The following HIVEP3 variants were observed in gnomAD, a reference collection of about 807,000 sequenced individuals.
HIVEP3 encodes transcription factor HIVEP3.
HIVEP3 carries 49 observed loss-of-function variants against 152.8 expected under a neutral mutation model. The observed-to-expected ratio is 0.32, with a 90% confidence interval of 0.26 to 0.41. The LOEUF is 0.41. Among genes scored for constraint, HIVEP3 ranks in the 10% least tolerant of loss-of-function variants. The probability of loss-of-function intolerance (pLI) is 1.00; values close to 1 mark genes in which losing one functional copy is unlikely to be tolerated. For missense variants in HIVEP3, 2,790 were observed against 3,103.3 expected (o/e 0.90, Z 2.40); for synonymous variants, 1,269 against 1,289.0 (o/e 0.98, Z 0.33).
intron 1 of HIVEP3, among the ~76,000 whole-genome samples, chr1:41,976,723 G>C (rs951992002): frequency 2.0e-5 from 3 of 152,106 alleles, no homozygotes. Flanking sequence ...CAGTAGAGTG[G>C]GCCCCTAATC....
At chr1:41,841,085 T>C (rs981445933) in intron 1 of HIVEP3, among the ~76,000 whole-genome samples, 2 of 152,148 alleles carry the variant, frequency 1.3e-5, no homozygotes, top group African/African-American at 4.8e-5. Context: ...TTAATGACTG[T>C]AGCCTGGAGG....
rs561527383 is a variant in HIVEP3, at chr1:41,963,081, G to C, written n.120-44557C>G. 4.6e-5 allele frequency among the ~76,000 whole-genome samples: 7 copies of C among 152,132 alleles called. No homozygotes were observed. The South Asian group carries it at 1.5e-3, about 32-fold the overall frequency. ...GGCTGGAGTGCAGTGGCGCGATCTC[G>C]GCTCACTGCAAACTCTGCCTCCCGG... is the stretch of plus-strand genomic sequence containing the variant. On this transcript the variant is annotated intron_variant and non_coding_transcript_variant, in intron 1 of 3. Transcript: ENST00000489103.
rs191007468 is a variant in HIVEP3, at chr1:41,953,343, T to G, written n.120-34819A>C. ...CTGTGGCCTGCTAGCTGTGTGACCTTGGGCCAATTACTTAATCTGTCTTTG... is the reference window on the plus strand; with the variant it reads ...CTGTGGCCTGCTAGCTGTGTGACCTGGGGCCAATTACTTAATCTGTCTTTG... On this transcript the variant is annotated intron_variant and non_coding_transcript_variant, in intron 1 of 3. Coordinates refer to the HIVEP3 transcript ENST00000489103. Among the ~76,000 whole-genome samples, 269 of 152,310 alleles carry G rather than the reference T, an allele frequency of 1.8e-3. 3 individuals are homozygous for G. The highest frequency in any genetic ancestry group is 3.1e-4 in the Non-Finnish European group (21 of 68,024).
rs147789740 is a variant in HIVEP3 at position 41,757,091 on chromosome 1, A to AATTATTATTATTATT, written c.-800-56111_-800-56097dup. 6.4e-3 allele frequency among the ~76,000 whole-genome samples: 880 copies of AATTATTATTATTATT among 136,518 alleles called. 14 individuals are homozygous for AATTATTATTATTATT. Among genetic ancestry groups the AATTATTATTATTATT allele is most frequent in the African/African-American group, 0.02 (700 of 35,678 alleles). The allele number at this position is 136,518 out of a possible 152,430, so 89.6% of individuals were successfully genotyped here. On this transcript the variant is annotated intron_variant, in intron 1 of 8. Coordinates refer to ENST00000372583, the MANE Select transcript of HIVEP3 (RefSeq NM_024503.5). ...ACATAGCAAGACCTTGTCTCTAAAA[A>AATTATTATTATTATT]ATTATTATTATTATTATTATTATTA...
intron 1 of HIVEP3, among the ~76,000 whole-genome samples, chr1:41,935,095 C>T (rs1408373167): frequency 6.6e-6 from 1 of 152,042 alleles, no homozygotes; most frequent in Non-Finnish European, 1.5e-5. Context: ...TCATTAACTA[C>T]TCCATATATT....
intron 1 of HIVEP3, among the ~76,000 whole-genome samples, chr1:41,978,443 G>A (rs1360890843): frequency 6.6e-6 from 1 of 152,184 alleles, no homozygotes; most frequent in East Asian, 1.9e-4. Context: ...AGACACCAGG[G>A]TGCAGGTGCA....
chr1:41,851,821 C>T (rs1388987392), intron 1 of HIVEP3, among the ~76,000 whole-genome samples: 3 of 152,168 alleles, frequency 2.0e-5, no homozygotes, highest in South Asian at 2.1e-4. Context: ...GGTGTCCTTT[C>T]GCACAGAAAG....
chr1:41,659,372 G>A (rs964547287), intron 2 of HIVEP3, among the ~76,000 whole-genome samples: 1 of 152,106 alleles, frequency 6.6e-6, no homozygotes, highest in Non-Finnish European at 1.5e-5. Flanking sequence ...TGTATATGAC[G>A]ACTTAGCTTT....
chr1:41,594,677 A>G (rs770277796), intron 3 of HIVEP3, among the ~76,000 whole-genome samples: 1 of 152,104 alleles, frequency 6.6e-6, no homozygotes, highest in Non-Finnish European at 1.5e-5. Context: ...TAGGTTGCAG[A>G]TATCTTCTCT....
chr1:41,663,866 C>G (rs887817292), intron 2 of HIVEP3, among the ~76,000 whole-genome samples: 1 of 152,204 alleles, frequency 6.6e-6, no homozygotes. Context: ...CAACTTCCAT[C>G]AGCTCCCAGG....
In HIVEP3 at chr1:41,582,299, A is replaced by G. The variant is rs779826833; in HGVS notation, c.2499T>C (p.Pro833=). Residue 833 remains proline (P), a synonymous_variant, in exon 4 of 9, where the codon CCT becomes CCC. Coordinates refer to ENST00000372583, the MANE Select transcript of HIVEP3 (RefSeq NM_024503.5). This position sits in a 1 kb window ranked among gnomAD's most constrained non-coding sequence, Gnocchi z 4.7. ...AGTGAGCAGAGCGTCCGTGTGGGGC[A>G]GGTGGGGGTGATGGGAACTGGGCCA... ...KPLAQFPSPP[P]APHGRSAHSL... is the part of the protein sequence containing the mutation. 1.7e-5 allele frequency: 27 copies of G among 1,614,102 alleles called. No homozygotes were observed. The highest frequency in any genetic ancestry group is 2.2e-5 in the Non-Finnish European group (26 of 1,179,998).
At chr1:41,775,217 G>A (rs746856446) in intron 1 of HIVEP3, among the ~76,000 whole-genome samples, 24 of 152,004 alleles carry the variant, frequency 1.6e-4, no homozygotes, top group Non-Finnish European at 2.8e-4. Context: ...CCATCCATTC[G>A]TCCATCATAT....
At chr1:41,746,853 G>A (rs1647079589) in intron 1 of HIVEP3, among the ~76,000 whole-genome samples, 1 of 152,186 alleles carries the variant, frequency 6.6e-6, no homozygotes, top group Non-Finnish European at 1.5e-5. Context: ...CCGTGGGCCA[G>A]CCCTCAGGTA....
At chr1:41,837,540 G>A (rs570512058) in intron 1 of HIVEP3, among the ~76,000 whole-genome samples, 1 of 152,168 alleles carries the variant, frequency 6.6e-6, no homozygotes, top group East Asian at 1.9e-4. Flanking sequence ...TGGTCAGGCT[G>A]GTCTCCAACT....
intron 1 of HIVEP3, among the ~76,000 whole-genome samples, chr1:41,967,157 A>G (rs956005495): frequency 4.6e-5 from 7 of 152,194 alleles, no homozygotes; most frequent in Non-Finnish European, 2.9e-5. Context: ...AAATTAATAA[A>G]GATATTCAGG....
At chr1:41,885,699 CTT>C in intron 1 of HIVEP3, among the ~76,000 whole-genome samples, 1 of 150,612 alleles carries the variant, frequency 6.6e-6, no homozygotes, top group African/African-American at 2.5e-5. Flanking sequence ...TCCTCCTTCC[CTT>C]CCTCCTTCCC....
At chr1:41,525,413 TA>T (rs1642872987) in intron 5 of HIVEP3, among the ~76,000 whole-genome samples, 1 of 151,766 alleles carries the variant, frequency 6.6e-6, no homozygotes, top group Non-Finnish European at 1.5e-5. Context: ...CCCCGAGATT[TA>T]GAGACAGTGA....
At chr1:41,999,187 C>T in intron 1 of HIVEP3, among the ~76,000 whole-genome samples, 1 of 152,022 alleles carries the variant, frequency 6.6e-6, no homozygotes, top group East Asian at 1.9e-4. Flanking sequence ...AGCCACCACG[C>T]CCAGCCATAA....
Position 41,584,586 on chromosome 1 carries a change from T to A in HIVEP3, c.212A>T (p.Gln71Leu), listed in dbSNP as rs201330650. The part of the protein sequence containing the change: ...GPSSVLREGS[Q>L]EKTGQQQKPP... ...CTTCTGCTGCTGGCCCGTTTTCTCC[T>A]GAGAGCCTTCCCTAAGAACTGATGA... Residue 71 changes from glutamine (Q) to leucine (L), a missense_variant, in exon 4 of 9, where the codon CAG becomes CTG. Physicochemically the swap from Gln to Leu is moderately radical, Grantham distance 113. Coordinates refer to ENST00000372583, the MANE Select transcript of HIVEP3 (RefSeq NM_024503.5). The surrounding 1 kb of genome is among the most constrained non-coding windows in gnomAD (Gnocchi z 5.2). The A allele has an allele frequency of 3.8e-5, 62 of 1,613,988 alleles. No individual in the cohort carries two copies. In the African/African-American group the frequency reaches 7.9e-4, roughly 20 times the overall value.
Sources: gnomAD v4.1 joint callset for allele counts (sites outside exome capture counted in the v4.1 genomes callset) on GRCh38, gnomAD v4.1.1 for gene constraint, Gnocchi (gnomAD v3.1) non-coding constraint, MANE v1.5 for transcripts, NCBI Gene and HGNC (gene_info 2026-07-23, HGNC 2026-07-21) for gene names.